The following RAD51C variants were observed in gnomAD, a reference collection of about 807,000 sequenced individuals.
The protein encoded by RAD51C is RAD51 paralog C, also known as DNA repair protein RAD51 homolog 3.
In RAD51C, 42 loss-of-function variants were observed where a neutral mutation model predicts 45.0. The observed-to-expected ratio is 0.93, with a 90% CI of 0.73 to 1.21. The LOEUF is 1.21. RAD51C is among the 50% of genes most tolerant of loss of function. The probability of loss-of-function intolerance (pLI) is 0.00; values close to 1 mark genes in which losing one functional copy is unlikely to be tolerated. For synonymous variants in RAD51C, 172 were observed against 159.8 expected (o/e 1.08, Z -0.58); for missense variants, 474 against 452.2 (o/e 1.05, Z -0.44).
intron 8 of RAD51C, among the ~76,000 whole-genome samples, chr17:58,733,655 G>C (rs1001806019): frequency 3.3e-5 from 5 of 152,322 alleles, no homozygotes; most frequent in African/African-American, 1.2e-4. Flanking sequence ...TATAGCCCGG[G>C]CTTTGGCACG....
intron 3 of RAD51C, among the ~76,000 whole-genome samples, chr17:58,701,134 C>G (rs957926411): frequency 6.6e-6 from 1 of 151,916 alleles, no homozygotes; most frequent in African/African-American, 2.4e-5. Flanking sequence ...CTCACGGGCT[C>G]AAGAGATCTG....
chr17:58,716,674 G>C (rs1414844951), intron 5 of RAD51C, among the ~76,000 whole-genome samples: 1 of 151,752 alleles, frequency 6.6e-6, no homozygotes, highest in African/African-American at 2.4e-5. Context: ...ATGTTAGCCA[G>C]GATGGCTTTG....
chr17:58,719,575 G>A (rs1308922780), intron 5 of RAD51C, among the ~76,000 whole-genome samples: 1 of 151,942 alleles, frequency 6.6e-6, no homozygotes. Context: ...AGCTGTTCAA[G>A]AGGCTGAGGT....
intron 5 of RAD51C, among the ~76,000 whole-genome samples, chr17:58,717,078 C>T (rs978778911): frequency 2.0e-5 from 3 of 151,286 alleles, no homozygotes; most frequent in African/African-American, 4.8e-5. Flanking sequence ...GGATTACAGT[C>T]GTGAGCCACC....
intron 4 of RAD51C, among the ~76,000 whole-genome samples, chr17:58,707,256 C>G (rs762669017): frequency 6.6e-5 from 10 of 152,174 alleles, no homozygotes; most frequent in Non-Finnish European, 8.8e-5. Context: ...TGGTGGCTCA[C>G]ACCTGTAATC....
At chr17:58,702,990 A>C (rs2048261432) in intron 3 of RAD51C, among the ~76,000 whole-genome samples, 1 of 152,244 alleles carries the variant, frequency 6.6e-6, no homozygotes, top group Non-Finnish European at 1.5e-5. Context: ...TGTAACCTGC[A>C]CGTTGTGCAC....
chr17:58,703,325 CAA>C lies in RAD51C; in HGVS notation c.703_704del (p.Lys235GlyfsTer16), dbSNP rs1567794476. Reference sequence around the variant, plus strand: ...CTTCCAGATTTCCTTTCAGAACACTCAAAGGTATGAGTCAGACTACTGAAATG... The same window carrying C: ...CTTCCAGATTTCCTTTCAGAACACTCAGGTATGAGTCAGACTACTGAAATG... On this transcript the variant is annotated frameshift_variant and splice_region_variant, in exon 4 of 9. Transcript: ENST00000337432. LOFTEE classifies it high-confidence loss of function. The C allele has an allele frequency of 6.2e-7, 1 of 1,611,700 alleles. No individual in the cohort carries two copies.
intron 3 of RAD51C, among the ~76,000 whole-genome samples, chr17:58,701,984 CTG>C (rs2048226749): frequency 6.7e-6 from 1 of 149,036 alleles, no homozygotes; most frequent in East Asian, 1.9e-4. Context: ...TTTTTTCTAA[CTG>C]TGTTTTATTT....
intron 5 of RAD51C, among the ~76,000 whole-genome samples, chr17:58,714,473 C>A (rs988763866): frequency 6.6e-6 from 1 of 151,822 alleles, no homozygotes. Flanking sequence ...TTATTTATAT[C>A]TTTGAGACGG....
intron 5 of RAD51C, among the ~76,000 whole-genome samples, chr17:58,715,445 ACT>A (rs2048700123): frequency 7.4e-6 from 1 of 134,778 alleles, no homozygotes; most frequent in Admixed American, 8.0e-5. Context: ...CAAGAGCGAA[ACT>A]CTGTCTCAAA....
In RAD51C at chr17:58,735,141, T is replaced by C. The variant is rs920860808; in HGVS notation, c.*919T>C. 1.3e-5 allele frequency: 2 copies of C among 152,172 alleles called. No individual in the cohort carries two copies. The highest frequency in any genetic ancestry group is 2.4e-5 in the African/African-American group (1 of 41,432). The allele number at this position is 152,172 out of a possible 1,614,324, so 9.4% of individuals were successfully genotyped here. A position where few individuals can be genotyped will look rare whatever the true frequency, so the allele number is the denominator to read the frequency against. On this transcript the variant is annotated 3_prime_UTR_variant, in exon 9 of 9. Coordinates refer to ENST00000337432, the MANE Select transcript of RAD51C (RefSeq NM_058216.3). Reference sequence around the variant, plus strand: ...GAGCTGTTATCTCATCTAGAGATTGTTTGGAACATATGTCTTCCAGAATAG... The same window carrying C: ...GAGCTGTTATCTCATCTAGAGATTGCTTGGAACATATGTCTTCCAGAATAG...
intron 5 of RAD51C, among the ~76,000 whole-genome samples, chr17:58,719,173 G>A (rs62081320): frequency 2.0e-5 from 3 of 151,980 alleles, no homozygotes; most frequent in East Asian, 1.9e-4. Flanking sequence ...GCAGTGAGCC[G>A]AGATCGCGCC....
In RAD51C at chr17:58,709,973, A is replaced by G. The variant is rs1173980735; in HGVS notation, c.820A>G (p.Asn274Asp). ...AGCCCAGCAAATGATCAGCCTTGCA[A>G]ATAATCACAGATTAGCTGTAAGTAT... ...GLAQQMISLA[N>D]NHRLAVILTN... Residue 274 changes from asparagine (N) to aspartate (D), a missense_variant, in exon 5 of 9, where the codon AAT becomes GAT. Coordinates refer to ENST00000337432, the MANE Select transcript of RAD51C (RefSeq NM_058216.3). 1.9e-6 allele frequency: 3 copies of G among 1,613,122 alleles called. No homozygotes were observed. Among genetic ancestry groups the G allele is most frequent in the South Asian group, 1.1e-5 (1 of 91,062 alleles).
chr17:58,692,787 A>C lies in RAD51C; in HGVS notation c.144A>C (p.Lys48Asn). Residue 48 changes from lysine (K) to asparagine (N), a missense_variant and splice_region_variant, in exon 1 of 9, where the codon AAA becomes AAC. Lys to Asn is a moderately conservative substitution (Grantham distance 94). Transcript: ENST00000337432. ...LLEVKPSELS[K>N]EVGISKAEAL... The stretch of plus-strand genomic sequence containing the variant: ...AGGTGAAACCCTCCGAGCTTAGCAA[A>C]GGTAACGACTCCTGATGGCAAGCTG... 6.2e-7 allele frequency: 1 copy of C among 1,614,186 alleles called. No individual in the cohort carries two copies. The highest frequency in any genetic ancestry group is 8.5e-7 in the Non-Finnish European group (1 of 1,180,020).
chr17:58,701,948 A>T (rs2048225435), intron 3 of RAD51C, among the ~76,000 whole-genome samples: 1 of 152,126 alleles, frequency 6.6e-6, no homozygotes, highest in Non-Finnish European at 1.5e-5. Flanking sequence ...TATAGCATTC[A>T]AGAGAAAAAA....
At chr17:58,723,433 C>A (rs1386327144) in intron 6 of RAD51C, among the ~76,000 whole-genome samples, 1 of 151,810 alleles carries the variant, frequency 6.6e-6, no homozygotes, top group Admixed American at 6.6e-5. Context: ...TGGAACATTA[C>A]TACCCCCCAG....
rs786203304 is a variant in RAD51C, at chr17:58,724,040, G to T, written c.905G>T (p.Gly302Val). ...RNQALLVPAL[G>V]ESWGHAATIR... The stretch of plus-strand genomic sequence containing the variant: ...CAGTTATTATGTTTTTTACTCTCAG[G>T]GGAAAGTTGGGGACATGCTGCTACA... Residue 302 changes from glycine (G) to valine (V), a missense_variant and splice_region_variant, in exon 7 of 9, where the codon GGG (glycine) becomes GTG (valine). Coordinates refer to ENST00000337432, the MANE Select transcript of RAD51C (RefSeq NM_058216.3). The T allele has an allele frequency of 6.2e-7, 1 of 1,611,828 alleles. No homozygotes were observed. Among genetic ancestry groups the T allele is most frequent in the Non-Finnish European group, 8.5e-7 (1 of 1,178,016 alleles).
chr17:58,698,489 C>T (rs1338067854), intron 3 of RAD51C, among the ~76,000 whole-genome samples: 3 of 151,544 alleles, frequency 2.0e-5, no homozygotes, highest in Non-Finnish European at 4.4e-5. Context: ...CGGCCACACC[C>T]AGCTAATTTT....
chr17:58,707,794 T>G (rs1215149183), intron 4 of RAD51C, among the ~76,000 whole-genome samples: 3 of 152,176 alleles, frequency 2.0e-5, no homozygotes, highest in Admixed American at 1.3e-4. Context: ...CTTACAGTTC[T>G]GGAGACTAGA....
Sources: gnomAD v4.1 joint callset for allele counts (sites outside exome capture counted in the v4.1 genomes callset) on GRCh38, gnomAD v4.1.1 for gene constraint, MANE v1.5 for transcripts, NCBI Gene and HGNC (gene_info 2026-07-23, HGNC 2026-07-21) for gene names.